CAPN5: variants seen among roughly 807,000 people sequenced by gnomAD.
The protein encoded by CAPN5 is calpain-5.
A neutral mutation model predicts 73.0 loss-of-function variants in CAPN5; 54 were observed. The observed-to-expected ratio is 0.74, with a 90% CI of 0.59 to 0.93. CAPN5 has a LOEUF of 0.93. Among genes scored for constraint, CAPN5 ranks in the 40% least tolerant of loss-of-function variants. CAPN5 has a pLI of 0.00. For missense variants in CAPN5, 785 were observed against 882.9 expected (o/e 0.89, Z 1.41); for synonymous variants, 335 against 356.9 (o/e 0.94, Z 0.69).
In CAPN5 at chr11:77,110,899, G is replaced by T. The variant is rs537822129; in HGVS notation, c.298-1690G>T. ...GTGCCGGCCTCCTGGTGTGCCTCTG[G>T]TTCCTCCGCCTGGGTGCCCCCCATA... On this transcript the variant is annotated intron_variant, in intron 3 of 12. Coordinates refer to ENST00000648180, the MANE Select transcript of CAPN5 (RefSeq NM_004055.5). 9.6e-4 allele frequency among the ~76,000 whole-genome samples: 146 copies of T among 152,284 alleles called. 1 individual carries two copies. Among genetic ancestry groups the T allele is most frequent in the African/African-American group, 3.2e-3 (134 of 41,556 alleles).
intron 3 of CAPN5, chr11:77,102,865 C>A (rs782124246): frequency 6.2e-7 from 1 of 1,604,778 alleles, no homozygotes; most frequent in South Asian, 1.1e-5. Context: ...CCGCAGCAGC[C>A]GCAGCTGGAC....
At chr11:77,112,541 C>T (rs1950421716) in intron 3 of CAPN5, 48 bp from the exon 4 acceptor site, 3 of 1,440,784 alleles carry the variant, frequency 2.1e-6, no homozygotes, top group Non-Finnish European at 2.9e-6. Flanking sequence ...GGAAGCCGGA[C>T]ATCCCCTCAC....
chr11:77,120,827 G>A lies in CAPN5; in HGVS notation c.1405G>A (p.Val469Ile), dbSNP rs1263988235. 1 of 1,614,082 alleles carries A rather than the reference G, an allele frequency of 6.2e-7. No homozygotes were observed. The highest frequency in any genetic ancestry group is 8.5e-7 in the Non-Finnish European group (1 of 1,180,044). ...LRTDQPEGRY[V>I]IIPTTFEPGH... ...CACCGACCAGCCCGAGGGCCGCTATGTCATCATCCCCACAACCTTCGAGCC... is the reference window on the plus strand; with the variant it reads ...CACCGACCAGCCCGAGGGCCGCTATATCATCATCCCCACAACCTTCGAGCC... Residue 469 changes from valine (V) to isoleucine (I), a missense_variant, in exon 10 of 13, where the codon GTC becomes ATC. Physicochemically the swap from Val to Ile is conservative, Grantham distance 29. Coordinates refer to ENST00000648180, the MANE Select transcript of CAPN5 (RefSeq NM_004055.5).
chr11:77,118,035 T>C, intron 7 of CAPN5, 122 bp from the exon 8 acceptor site: 2 of 866,456 alleles, frequency 2.3e-6, no homozygotes, highest in East Asian at 5.0e-5. Context: ...AGCTCCCCTC[T>C]CAAAGCCAGC....
At chr11:77,081,184 T>C (rs1020126301) in intron 1 of CAPN5, among the ~76,000 whole-genome samples, 1 of 152,224 alleles carries the variant, frequency 6.6e-6, no homozygotes, top group Admixed American at 6.5e-5. Flanking sequence ...CCTAGGCTTC[T>C]CAAAGCAGGG....
intron 1 of CAPN5, among the ~76,000 whole-genome samples, chr11:77,075,727 G>A (rs577605923): frequency 1.3e-5 from 2 of 152,040 alleles, no homozygotes; most frequent in Non-Finnish European, 2.9e-5. Flanking sequence ...ACAGACAGGT[G>A]CATAGGTCTT....
At chr11:77,106,890 G>A (rs1219519783) in intron 3 of CAPN5, among the ~76,000 whole-genome samples, 2 of 152,358 alleles carry the variant, frequency 1.3e-5, no homozygotes, top group South Asian at 2.1e-4. Flanking sequence ...CCGAGAGAGC[G>A]GCCATGGGGG....
At chr11:77,098,127 G>A (rs1950233682) in intron 3 of CAPN5, among the ~76,000 whole-genome samples, 1 of 75,338 alleles carries the variant, frequency 1.3e-5, no homozygotes, top group African/African-American at 8.1e-5. Context: ...CTCCCGGACG[G>A]GGCGGCTGGC....
At chr11:77,121,198 T>C (rs1377276352) in intron 10 of CAPN5, among the ~76,000 whole-genome samples, 1 of 152,266 alleles carries the variant, frequency 6.6e-6, no homozygotes, top group Non-Finnish European at 1.5e-5. Context: ...ACTCCCGCAC[T>C]TTACCAGTGA....
chr11:77,079,817 G>GTC (rs1950011643), intron 1 of CAPN5, among the ~76,000 whole-genome samples: 1 of 139,776 alleles, frequency 7.2e-6, no homozygotes, highest in Admixed American at 7.3e-5. Flanking sequence ...GTGTGTGTCT[G>GTC]TGTGTGTGTT....
intron 1 of CAPN5, among the ~76,000 whole-genome samples, chr11:77,079,827 T>G (rs1950011767): frequency 6.9e-6 from 1 of 144,852 alleles, no homozygotes; most frequent in Admixed American, 6.9e-5. Context: ...GTGTGTGTGT[T>G]TCACTTTAGT....
At chr11:77,123,645 T>C in intron 12 of CAPN5, 43 bp from the exon 13 acceptor site, 1 of 1,528,974 alleles carries the variant, frequency 6.5e-7, no homozygotes, top group Non-Finnish European at 9.0e-7. Context: ...TTGCTGGTCT[T>C]GGAGGTAGCC....
rs527349486 is a variant in CAPN5 at position 77,067,045 on chromosome 11, G to C, written c.-85G>C. The C allele has an allele frequency of 1.6e-4, 24 of 152,350 alleles. No homozygotes were observed. The highest frequency in any genetic ancestry group is 5.8e-4 in the African/African-American group (24 of 41,560). 9.4% of individuals were successfully genotyped at this position (152,350 alleles called of 1,614,324 possible). A position where few individuals can be genotyped will look rare whatever the true frequency, so the allele number is the denominator to read the frequency against. Reference sequence around the variant, plus strand: ...CTGCAGCCTCCGCTCCAGCGCCCGCGCCGTGCCCTGCATCCCGGGAGCCCG... The same window carrying C: ...CTGCAGCCTCCGCTCCAGCGCCCGCCCCGTGCCCTGCATCCCGGGAGCCCG... On this transcript the variant is annotated 5_prime_UTR_variant, in exon 1 of 13. Transcript: ENST00000648180.
chr11:77,087,211 C>T (rs971054197), intron 2 of CAPN5, among the ~76,000 whole-genome samples: 1 of 152,242 alleles, frequency 6.6e-6, no homozygotes, highest in African/African-American at 2.4e-5. Flanking sequence ...CACAAGCCTG[C>T]AGGACAGGCA....
At chr11:77,096,972 G>C (rs547820358) in intron 3 of CAPN5, among the ~76,000 whole-genome samples, 247 of 152,234 alleles carry the variant, frequency 1.6e-3, no homozygotes, top group African/African-American at 5.4e-3. Context: ...CCTGTAATCT[G>C]AGCACTTTGG....
chr11:77,112,957 A>G (rs1950427400), intron 4 of CAPN5, 160 bp downstream of exon 4: 1 of 685,974 alleles, frequency 1.5e-6, no homozygotes, highest in Middle Eastern at 3.9e-4. Context: ...GGGCATAGTC[A>G]GCTGAGCCTG....
chr11:77,093,494 G>A (rs1041003430), intron 2 of CAPN5, among the ~76,000 whole-genome samples, 188 bp from the exon 3 acceptor site: 1 of 152,208 alleles, frequency 6.6e-6, no homozygotes, highest in South Asian at 2.1e-4. Flanking sequence ...ACCGCGGGGT[G>A]GGGGGCAAGC....
chr11:77,104,019 A>G (rs1950317779), intron 3 of CAPN5, among the ~76,000 whole-genome samples: 1 of 152,212 alleles, frequency 6.6e-6, no homozygotes. Context: ...CTACGCACAC[A>G]TATCCATGAG....
chr11:77,088,043 G>A (rs1319629958), intron 2 of CAPN5: 18 of 1,535,118 alleles, frequency 1.2e-5, no homozygotes, highest in Admixed American at 5.9e-5. Context: ...CGTCCTCCTC[G>A]CTCAGGGCCC....
Sources: allele counts gnomAD v4.1 joint callset (sites outside exome capture counted in the v4.1 genomes callset), GRCh38; gene constraint gnomAD v4.1.1; transcripts MANE v1.5; gene names NCBI Gene and HGNC (gene_info 2026-07-23, HGNC 2026-07-21).